Variants in NPIPB2 observed in about 807,000 individuals in gnomAD.
NPIPB2 encodes nuclear pore complex interacting protein family member B2.
Under a neutral mutation model 30.8 loss-of-function variants are expected in NPIPB2, and 27 were observed. The ratio of observed to expected loss-of-function variants is 0.88; its 90% CI spans 0.65 to 1.21. The LOEUF (loss-of-function observed/expected upper bound fraction) is 1.21. NPIPB2 is among the 50% of genes most tolerant of loss of function. The pLI, the probability that NPIPB2 is intolerant of heterozygous loss-of-function variation, is 0.00. For synonymous variants in NPIPB2, 147 were observed against 162.0 expected, an observed-to-expected ratio of 0.91 and a Z score of 0.70; for missense variants, 440 against 446.2, an observed-to-expected ratio of 0.99 and a Z score of 0.13.
chr16:11,944,927 C>T (rs2054989279), upstream of NPIPB2, among the ~76,000 whole-genome samples: 1 of 151,570 alleles, frequency 6.6e-6, no homozygotes, highest in Non-Finnish European at 1.5e-5. Context: ...GCCTGTAATC[C>T]CAGCACTTTG....
chr16:11,967,855 T>C, intron 1 of NPIPB2: 2 of 1,611,508 alleles, frequency 1.2e-6, no homozygotes, highest in Non-Finnish European at 1.7e-6. Flanking sequence ...TAATTAACCA[T>C]TTCGACTCGA....
intron 4 of NPIPB2, among the ~76,000 whole-genome samples, chr16:11,931,417 T>G (rs1482020863): frequency 1.4e-5 from 2 of 145,432 alleles, no homozygotes; most frequent in Non-Finnish European, 3.0e-5. Context: ...AGGAAGGATG[T>G]GTAAAATTCC....
chr16:11,975,758 T>C (rs562565574), intron 1 of NPIPB2, among the ~76,000 whole-genome samples: 5 of 152,036 alleles, frequency 3.3e-5, no homozygotes, highest in African/African-American at 1.2e-4. Context: ...GCCTGGCTAA[T>C]TTTTGTATTT....
At chr16:11,967,971 G>T in intron 1 of NPIPB2, 1 of 1,079,440 alleles carries the variant, frequency 9.3e-7, no homozygotes, top group East Asian at 2.5e-5. Context: ...CTCTAACTGT[G>T]GAAACTCTTT....
At chr16:11,943,267 C>G (rs1464336030), upstream of NPIPB2, among the ~76,000 whole-genome samples, 2 of 151,968 alleles carry the variant, frequency 1.3e-5, no homozygotes, top group Non-Finnish European at 2.9e-5. Flanking sequence ...TGCAGTGAGC[C>G]GAGATTGCAC....
chr16:11,933,924 A>C (rs71385125), exon 3 of NPIPB2: 149,844 of 1,534,164 alleles, frequency 0.098, 14,952 homozygotes, highest in African/African-American at 0.46. Context: ...AGGAAAGACA[A>C]CTAGGAAATA....
At chr16:11,961,120 C>T (rs2055149758) in intron 1 of NPIPB2, among the ~76,000 whole-genome samples, 2 of 152,176 alleles carry the variant, frequency 1.3e-5, no homozygotes, top group Non-Finnish European at 2.9e-5. Context: ...GCTTCAGCCT[C>T]CCAAAGTGCT....
chr16:11,967,421 T>C (rs554638504), intron 1 of NPIPB2: 11 of 773,706 alleles, frequency 1.4e-5, no homozygotes, highest in African/African-American at 7.0e-5. Flanking sequence ...GGAGTTTGAA[T>C]GCAGCCTGGG....
chr16:11,970,747 G>C (rs980266120), intron 1 of NPIPB2, among the ~76,000 whole-genome samples: 1 of 151,722 alleles, frequency 6.6e-6, no homozygotes, highest in Admixed American at 6.6e-5. Context: ...TGTTGGACAC[G>C]GTGGTCTTGA....
At chr16:11,965,461 A>C in intron 1 of NPIPB2, 1 of 1,613,708 alleles carries the variant, frequency 6.2e-7, no homozygotes, top group Non-Finnish European at 8.5e-7. Flanking sequence ...GCAAGTAAGT[A>C]ATATTGCTTG....
intron 1 of NPIPB2, among the ~76,000 whole-genome samples, chr16:11,963,334 C>G (rs1158215980): frequency 1.3e-5 from 2 of 149,478 alleles, no homozygotes; most frequent in South Asian, 4.2e-4. Flanking sequence ...GAGCCGAGAT[C>G]GCGCCATTGC....
At chr16:11,940,878 G>C (rs1287482647) in intron 1 of NPIPB2, among the ~76,000 whole-genome samples, 1 of 149,424 alleles carries the variant, frequency 6.7e-6, no homozygotes, top group Non-Finnish European at 1.5e-5. Context: ...GGCCATCTCG[G>C]CTCACTGCAA....
At chr16:11,954,494 A>G (rs1017981668) in intron 1 of NPIPB2, among the ~76,000 whole-genome samples, 1 of 151,312 alleles carries the variant, frequency 6.6e-6, no homozygotes, top group Non-Finnish European at 1.5e-5. Context: ...AAAAAAAAAG[A>G]AAGAAAAAAA....
At chr16:11,966,861 G>T (rs2055198266) in intron 1 of NPIPB2, among the ~76,000 whole-genome samples, 1 of 152,090 alleles carries the variant, frequency 6.6e-6, no homozygotes, top group South Asian at 2.1e-4. Context: ...TAGAGAACCA[G>T]TCCCAGAAAA....
At chr16:11,961,054 G>C (rs1038368750) in intron 1 of NPIPB2, among the ~76,000 whole-genome samples, 1 of 151,806 alleles carries the variant, frequency 6.6e-6, no homozygotes, top group Non-Finnish European at 1.5e-5. Context: ...GTAGAGACTG[G>C]GTTTCACCAT....
At position 11,932,375 on chromosome 16, in the gene NPIPB2, C is replaced by T. The variant is rs974130091; in HGVS notation, c.488+1142G>A. Among the ~76,000 whole-genome samples, 276 of 149,510 alleles carry T rather than the reference C, an allele frequency of 1.8e-3. 2 individuals carry two copies. The highest frequency in any genetic ancestry group is 7.1e-3 in the Middle Eastern group (2 of 282). On this transcript the variant is annotated intron_variant, in intron 4 of 7. Transcript: ENST00000399147. ...GACCCAAGCATTGAATTCAACAATCCAGGCTGGGTGCGGTGGCTCACACTG... is the reference window on the plus strand; with the variant it reads ...GACCCAAGCATTGAATTCAACAATCTAGGCTGGGTGCGGTGGCTCACACTG...
intron 1 of NPIPB2, among the ~76,000 whole-genome samples, chr16:11,948,043 T>C (rs1026681571): frequency 6.7e-6 from 1 of 149,786 alleles, no homozygotes; most frequent in Non-Finnish European, 1.5e-5. Flanking sequence ...TCCAGCCCGT[T>C]ATCCACATCC....
chr16:11,930,180 C>G (rs1363763661), intron 5 of NPIPB2, among the ~76,000 whole-genome samples: 1 of 92,118 alleles, frequency 1.1e-5, no homozygotes, highest in Non-Finnish European at 2.2e-5. Flanking sequence ...ACTCACCCCA[C>G]CCCTAGAATG....
At chr16:11,949,535 C>A (rs939902774) in intron 1 of NPIPB2, among the ~76,000 whole-genome samples, 4 of 152,202 alleles carry the variant, frequency 2.6e-5, no homozygotes, top group Non-Finnish European at 4.4e-5. Context: ...CCGAGAAGAA[C>A]CCGGATAACT....
Sources: allele counts gnomAD v4.1 joint callset (sites outside exome capture counted in the v4.1 genomes callset), GRCh38; gene constraint gnomAD v4.1.1; transcripts MANE v1.5; gene names NCBI Gene and HGNC (gene_info 2026-07-23, HGNC 2026-07-21).